SYNPR: variants seen among roughly 807,000 people sequenced by gnomAD.
The protein encoded by SYNPR is synaptoporin.
SYNPR carries 23 observed loss-of-function variants against 32.9 expected under a neutral mutation model. The observed-to-expected ratio is 0.70, with a 90% confidence interval of 0.50 to 0.99. SYNPR has a LOEUF of 0.99. Ranked by LOEUF, SYNPR falls within the 50% of genes least tolerant of loss-of-function variation. SYNPR has a pLI of 0.00. For synonymous variants in SYNPR, 146 were observed against 135.9 expected (o/e 1.07, Z -0.52); for missense variants, 318 against 349.3 (o/e 0.91, Z 0.71).
At chr3:63,340,711 G>A (rs566545946) in intron 2 of SYNPR, among the ~76,000 whole-genome samples, 3 of 152,244 alleles carry the variant, frequency 2.0e-5, no homozygotes, top group South Asian at 4.1e-4. Context: ...GAGCCACCGC[G>A]CCCGGCCAAT....
intron 2 of SYNPR, among the ~76,000 whole-genome samples, chr3:63,262,035 A>C (rs1336304536): frequency 1.3e-5 from 2 of 152,200 alleles, no homozygotes; most frequent in East Asian, 1.9e-4. Flanking sequence ...AATAAAAAAA[A>C]AAACAAACTC....
intron 2 of SYNPR, chr3:63,443,572 T>C: frequency 7.6e-7 from 1 of 1,316,922 alleles, no homozygotes; most frequent in Non-Finnish European, 1.0e-6. Flanking sequence ...TCTTTCCAAG[T>C]ATCAGTTTTT....
chr3:63,291,282 C>T lies in SYNPR; in HGVS notation c.84+12540C>T, dbSNP rs374397191. Among the ~76,000 whole-genome samples, 10 of 152,142 alleles carry T rather than the reference C, an allele frequency of 6.6e-5. 1 individual carries two copies. The highest frequency in any genetic ancestry group is 2.4e-4 in the African/African-American group (10 of 41,512). ...AGAAACCTTGGGTAAATGTCTTTAT[C>T]TTTCTGCCTCTCAATTTCTTGAACT... On this transcript the variant is annotated intron_variant, in intron 2 of 5. Coordinates refer to ENST00000478300, the MANE Select transcript of SYNPR (RefSeq NM_001130003.2).
At chr3:63,327,419 T>TATG (rs2087178858) in intron 2 of SYNPR, among the ~76,000 whole-genome samples, 1 of 152,162 alleles carries the variant, frequency 6.6e-6, no homozygotes, top group South Asian at 2.1e-4. Flanking sequence ...ATGTATTGTG[T>TATG]ATGTGTGTTT....
chr3:63,393,034 C>A (rs7641300), intron 2 of SYNPR, among the ~76,000 whole-genome samples: 2 of 151,986 alleles, frequency 1.3e-5, no homozygotes, highest in African/African-American at 4.8e-5. Flanking sequence ...GTCTCAAACA[C>A]ACATGATAGC....
At chr3:63,259,199 G>T (rs566689543) in intron 2 of SYNPR, among the ~76,000 whole-genome samples, 1 of 152,210 alleles carries the variant, frequency 6.6e-6, no homozygotes, top group Non-Finnish European at 1.5e-5. Context: ...AGAAAAAGAC[G>T]GAATCCTCCC....
At chr3:63,572,983 A>G (rs550759992) in intron 4 of SYNPR, among the ~76,000 whole-genome samples, 2 of 152,188 alleles carry the variant, frequency 1.3e-5, no homozygotes, top group South Asian at 4.1e-4. Flanking sequence ...ACAAAAATGT[A>G]GCTATTCTGC....
chr3:63,237,189 C>G (rs1419992170), intron 1 of SYNPR, among the ~76,000 whole-genome samples: 1 of 151,764 alleles, frequency 6.6e-6, no homozygotes, highest in Non-Finnish European at 1.5e-5. Context: ...GTTGTATATA[C>G]AGGGTATTTT....
At chr3:63,579,539 C>T (rs1171667715) in intron 4 of SYNPR, among the ~76,000 whole-genome samples, 1 of 152,136 alleles carries the variant, frequency 6.6e-6, no homozygotes, top group South Asian at 2.1e-4. Context: ...CTGTCCCCTA[C>T]ACAAGAACAT....
At chr3:63,415,672 C>T (rs2088530654) in intron 2 of SYNPR, among the ~76,000 whole-genome samples, 1 of 152,192 alleles carries the variant, frequency 6.6e-6, no homozygotes, top group Non-Finnish European at 1.5e-5. Context: ...CTTACTTGGC[C>T]CACAGGCCAT....
chr3:63,493,083 C>A (rs575121013), intron 3 of SYNPR, among the ~76,000 whole-genome samples: 1 of 152,194 alleles, frequency 6.6e-6, no homozygotes, highest in South Asian at 2.1e-4. Flanking sequence ...TTAGGACATG[C>A]TTTGCGTCCC....
At position 63,589,590 on chromosome 3, in the gene SYNPR, CA is replaced by C. The variant is rs1482404950; in HGVS notation, c.409-19530del. Reference sequence around the variant, plus strand: ...TGGCAAACCGAATCCAGCAGCACATCAAAAAGCTTATCCACCATGATCAAGT... The same window carrying C: ...TGGCAAACCGAATCCAGCAGCACATCAAAAGCTTATCCACCATGATCAAGT... On this transcript the variant is annotated intron_variant, in intron 4 of 5. Coordinates refer to ENST00000478300, the MANE Select transcript of SYNPR (RefSeq NM_001130003.2). Among the ~76,000 whole-genome samples the C allele has an allele frequency of 4.0e-5, 6 of 150,926 alleles. No homozygotes were observed. The East Asian group carries it at 9.9e-4, about 25-fold the overall frequency.
intron 3 of SYNPR, among the ~76,000 whole-genome samples, chr3:63,539,460 A>G (rs17339428): frequency 0.099 from 15,052 of 152,148 alleles, 1,017 homozygotes; most frequent in Middle Eastern, 0.22. Context: ...TGGTATCTAA[A>G]TACTAAAACT....
At chr3:63,223,020 G>A in the SYNPR span, among the ~76,000 whole-genome samples, 26 of 152,084 alleles carry the variant, frequency 1.7e-4, no homozygotes, top group Non-Finnish European at 4.4e-5. Flanking sequence ...GTGTTCCATG[G>A]GGTCACCTAA....
chr3:63,374,417 A>G (rs1399870586), intron 2 of SYNPR, among the ~76,000 whole-genome samples: 1 of 152,160 alleles, frequency 6.6e-6, no homozygotes, highest in Non-Finnish European at 1.5e-5. Flanking sequence ...AGGACAACAG[A>G]CACCATGGTA....
chr3:63,467,109 C>G (rs986648156), intron 2 of SYNPR, among the ~76,000 whole-genome samples: 12 of 152,134 alleles, frequency 7.9e-5, no homozygotes, highest in African/African-American at 2.7e-4. Flanking sequence ...CCCTCAGGCT[C>G]ACGTCATCCT....
intron 4 of SYNPR, among the ~76,000 whole-genome samples, chr3:63,582,284 C>G (rs1703106444): frequency 6.6e-6 from 1 of 152,026 alleles, no homozygotes; most frequent in Non-Finnish European, 1.5e-5. Flanking sequence ...ATCAGGGGTC[C>G]TCTTTATGAG....
At chr3:63,514,983 G>A (rs1701768971) in intron 3 of SYNPR, among the ~76,000 whole-genome samples, 1 of 152,054 alleles carries the variant, frequency 6.6e-6, no homozygotes, top group African/African-American at 2.4e-5. Context: ...CAGGCTCAAT[G>A]TTTAAGGCTT....
chr3:63,258,429 A>G (rs1282041427), intron 2 of SYNPR, among the ~76,000 whole-genome samples: 1 of 152,062 alleles, frequency 6.6e-6, no homozygotes, highest in Non-Finnish European at 1.5e-5. Flanking sequence ...ACTCAAAACC[A>G]CTCAACTACA....
Sources: gnomAD v4.1 joint callset for allele counts (sites outside exome capture counted in the v4.1 genomes callset) on GRCh38, gnomAD v4.1.1 for gene constraint, MANE v1.5 for transcripts, NCBI Gene and HGNC (gene_info 2026-07-23, HGNC 2026-07-21) for gene names.